The following RCBTB2 variants were observed in gnomAD, a reference collection of about 807,000 sequenced individuals.
RCBTB2 encodes the protein RCC1 and BTB domain containing protein 2, also known as RCC1 and BTB domain-containing protein 2.
In RCBTB2, 55 loss-of-function variants were observed where a neutral mutation model predicts 65.4. The ratio of observed to expected loss-of-function variants is 0.84; its 90% CI spans 0.68 to 1.05. The LOEUF is 1.05. RCBTB2 is among the 50% of genes least tolerant of loss of function. The probability of loss-of-function intolerance (pLI) is 0.00; values close to 1 mark genes in which losing one functional copy is unlikely to be tolerated. For missense variants in RCBTB2, 599 were observed against 680.1 expected (o/e 0.88, Z 1.33); for synonymous variants, 220 against 255.2 (o/e 0.86, Z 1.31).
At chr13:48,518,667 AT>A (rs1273924599) in intron 4 of RCBTB2, among the ~76,000 whole-genome samples, 3 of 151,570 alleles carry the variant, frequency 2.0e-5, no homozygotes, top group African/African-American at 7.3e-5. Flanking sequence ...ACAGTGTTCT[AT>A]GGTGATGTTA....
At chr13:48,535,671 C>T (rs932401246), upstream of RCBTB2, 2 of 456,672 alleles carry the variant, frequency 4.4e-6, no homozygotes, top group Non-Finnish European at 8.8e-6. Flanking sequence ...GGTTACTTTT[C>T]CATTATCTCA....
At chr13:48,533,750 A>G (rs1952305854), upstream of RCBTB2, among the ~76,000 whole-genome samples, 1 of 152,174 alleles carries the variant, frequency 6.6e-6, no homozygotes, top group Admixed American at 6.5e-5. Flanking sequence ...ATTTAAGTAA[A>G]ATGCACCACA....
At chr13:48,511,935 G>A in intron 8 of RCBTB2, 58 bp from the exon 9 acceptor site, 4 of 1,609,020 alleles carry the variant, frequency 2.5e-6, no homozygotes, top group South Asian at 1.1e-5. Context: ...CAAGCTGTCT[G>A]TTATGTGGGA....
chr13:48,515,799 C>T, intron 4 of RCBTB2, 58 bp from the exon 5 acceptor site: 1 of 1,528,326 alleles, frequency 6.5e-7, no homozygotes, highest in Non-Finnish European at 8.9e-7. Context: ...TTTCTCTGCC[C>T]CTTCAGTTCT....
rs1949796473 is a variant in RCBTB2, at chr13:48,493,289, C to CACACA, written c.1515+2901_1515+2902insTGTGT. On this transcript the variant is annotated intron_variant, in intron 14 of 14. Transcript: ENST00000344532. ...TCTCTCTCTCACCCTCTCTCTCTCT[C>CACACA]CACACACACACACACACACACACAC... Among the ~76,000 whole-genome samples, 340 of 102,320 alleles carry CACACA rather than the reference C, an allele frequency of 3.3e-3. 17 individuals are homozygous for CACACA. Among genetic ancestry groups the CACACA allele is most frequent in the African/African-American group, 0.017 (318 of 18,366 alleles). The allele number at this position is 102,320 out of a possible 152,430, so 67.1% of individuals were successfully genotyped here. A position where few individuals can be genotyped will look rare whatever the true frequency, so the allele number is the denominator to read the frequency against.
rs1319412094 is a variant in RCBTB2, at chr13:48,522,315, A to G, written c.-31T>C. 6.6e-7 allele frequency: 1 copy of G among 1,525,030 alleles called. No homozygotes were observed. The allele number at this position is 1,525,030 out of a possible 1,614,324, so 94.5% of individuals were successfully genotyped here. A position where few individuals can be genotyped will look rare whatever the true frequency, so the allele number is the denominator to read the frequency against. On this transcript the variant is annotated 5_prime_UTR_variant, in exon 3 of 15. Transcript: ENST00000344532. Reference sequence around the variant, plus strand: ...GAAAAATAAATTTTAGACCTTTGTCAACTTTTCTCTGGGATTGGAAAGTTC... The same window carrying G: ...GAAAAATAAATTTTAGACCTTTGTCGACTTTTCTCTGGGATTGGAAAGTTC...
At chr13:48,511,360 T>C (rs1302497414) in intron 9 of RCBTB2, among the ~76,000 whole-genome samples, 4 of 152,202 alleles carry the variant, frequency 2.6e-5, no homozygotes, top group Non-Finnish European at 5.9e-5. Context: ...AACTTACGAT[T>C]TGATTAGTAA....
intron 3 of RCBTB2, 74 bp from the exon 4 acceptor site, chr13:48,522,036 T>C (rs1467592149): frequency 1.6e-6 from 2 of 1,244,876 alleles, no homozygotes; most frequent in African/African-American, 3.0e-5. Flanking sequence ...ATTACTTTAC[T>C]TCTAATTAGC....
chr13:48,497,361 T>C (rs903744643), intron 13 of RCBTB2, among the ~76,000 whole-genome samples: 1 of 152,202 alleles, frequency 6.6e-6, no homozygotes, highest in Non-Finnish European at 1.5e-5. Flanking sequence ...CTGTCACCTA[T>C]TTTCAAGTAA....
chr13:48,499,111 AACACAC>A (rs142443945), intron 13 of RCBTB2, among the ~76,000 whole-genome samples: 9 of 105,860 alleles, frequency 8.5e-5, no homozygotes, highest in Admixed American at 5.5e-4. Flanking sequence ...CCCCCACCCC[AACACAC>A]ACACACACAC....
At chr13:48,501,604 G>A (rs892629966) in intron 12 of RCBTB2, 138 bp downstream of exon 12, 13 of 649,738 alleles carry the variant, frequency 2.0e-5, no homozygotes, top group South Asian at 3.9e-5. Context: ...ATTTCTCCCC[G>A]CTCCACTGTA....
In RCBTB2 at chr13:48,509,979, A is replaced by G. The variant is rs9332005; in HGVS notation, c.926+650T>C. On this transcript the variant is annotated intron_variant, in intron 10 of 14. Transcript: ENST00000344532. ...TGCTCTACACTACTATCAGGAAATG[A>G]AAAGTGGAAAGGCAGTGATCTGACC... Among the ~76,000 whole-genome samples, 669 of 152,366 alleles carry G rather than the reference A, an allele frequency of 4.4e-3. 11 individuals are homozygous for G. Among genetic ancestry groups the G allele is most frequent in the African/African-American group, 0.015 (634 of 41,592 alleles).
chr13:48,522,386 AAT>A lies in RCBTB2; in HGVS notation c.-104_-103del, dbSNP rs1418442499. 2.0e-5 allele frequency: 29 copies of A among 1,449,276 alleles called. No homozygotes were observed. The Admixed American group carries it at 5.6e-4, about 28-fold the overall frequency. The allele number at this position is 1,449,276 out of a possible 1,614,324, so 89.8% of individuals were successfully genotyped here. A position where few individuals can be genotyped will look rare whatever the true frequency, so the allele number is the denominator to read the frequency against. ...ACATCAATTCTCAGCTCCACAGAAGAATATATGATTTGCTAAGCTGGAAAAAA... is the reference window on the plus strand; with the variant it reads ...ACATCAATTCTCAGCTCCACAGAAGAATATGATTTGCTAAGCTGGAAAAAA... On this transcript the variant is annotated 5_prime_UTR_variant, in exon 3 of 15. Transcript: ENST00000344532.
intron 12 of RCBTB2, 115 bp from the exon 13 acceptor site, chr13:48,499,875 C>A (rs1020770654): frequency 8.5e-5 from 102 of 1,196,822 alleles, no homozygotes; most frequent in Non-Finnish European, 1.1e-4. Flanking sequence ...GCTGTGGCTC[C>A]TCACTTTCTT....
chr13:48,506,303 A>G (rs376814631), intron 10 of RCBTB2, among the ~76,000 whole-genome samples: 8 of 152,226 alleles, frequency 5.3e-5, no homozygotes, highest in African/African-American at 1.9e-4. Context: ...AGAGCCGAAG[A>G]GTTCTGATTT....
At chr13:48,510,855 GA>G (rs1174523400) in intron 9 of RCBTB2, 84 bp from the exon 10 acceptor site, 356 of 1,360,986 alleles carry the variant, frequency 2.6e-4, no homozygotes, top group East Asian at 1.3e-3. Context: ...AATCAAAAAT[GA>G]AAAAAAAAGG....
chr13:48,489,866 G>A lies in RCBTB2; in HGVS notation c.*245C>T, dbSNP rs749881887. On this transcript the variant is annotated 3_prime_UTR_variant, in exon 15 of 15. Coordinates refer to ENST00000344532, the MANE Select transcript of RCBTB2 (RefSeq NM_001268.4). ...TTTAAGTGACTCAAAAAGAGGAAAT[G>A]GTAAATAAGATATTTCAATTTTTTT... 5.9e-6 allele frequency: 3 copies of A among 506,958 alleles called. No individual in the cohort carries two copies. Among genetic ancestry groups the A allele is most frequent in the South Asian group, 2.3e-5 (1 of 42,838 alleles). 31.4% of individuals were successfully genotyped at this position (506,958 alleles called of 1,614,324 possible).
In RCBTB2 at chr13:48,496,227, G is replaced by A. The variant is rs754765254; in HGVS notation, c.1479C>T (p.Ile493=). 1.4e-5 allele frequency: 22 copies of A among 1,585,788 alleles called. No homozygotes were observed. Among genetic ancestry groups the A allele is most frequent in the Admixed American group, 7.2e-5 (4 of 55,286 alleles). ...IKQGICEENA[I]ALLSAAVKYD... ...ACTTCACCGCAGCCGAGAGCAGAGCGATGGCATTCTCCTCGCAGATGCCTT... is the reference window on the plus strand; with the variant it reads ...ACTTCACCGCAGCCGAGAGCAGAGCAATGGCATTCTCCTCGCAGATGCCTT... Residue 493 remains isoleucine, a synonymous_variant, in exon 14 of 15, where the codon ATC becomes ATT. Coordinates refer to ENST00000344532, the MANE Select transcript of RCBTB2 (RefSeq NM_001268.4).
chr13:48,511,019 G>A (rs1950763033), intron 9 of RCBTB2, among the ~76,000 whole-genome samples: 1 of 152,024 alleles, frequency 6.6e-6, no homozygotes, highest in African/African-American at 2.4e-5. Flanking sequence ...AGAAATCAAG[G>A]GGTATGAGGG....
Sources: gnomAD v4.1 joint callset for allele counts (sites outside exome capture counted in the v4.1 genomes callset) on GRCh38, gnomAD v4.1.1 for gene constraint, MANE v1.5 for transcripts, NCBI Gene and HGNC (gene_info 2026-07-23, HGNC 2026-07-21) for gene names.